The following LOC400499 variants were observed in gnomAD, a reference collection of about 807,000 sequenced individuals.
At chr16:11,397,753 G>GGGAT in the LOC400499 span, among the ~76,000 whole-genome samples, 1 of 40,944 alleles carries the variant, frequency 2.4e-5, no homozygotes, top group Non-Finnish European at 8.0e-5. Context: ...GAGGGAGGGA[G>GGGAT]GGATGGAGGG....
the LOC400499 span, among the ~76,000 whole-genome samples, chr16:11,480,544 C>G: frequency 1.1e-4 from 16 of 152,190 alleles, no homozygotes; most frequent in African/African-American, 3.6e-4. Context: ...GTTATGTAAA[C>G]TGTGGTTCCT....
the LOC400499 span, among the ~76,000 whole-genome samples, chr16:11,380,522 G>C: frequency 1.3e-5 from 2 of 151,732 alleles, no homozygotes; most frequent in African/African-American, 2.4e-5. Context: ...CAGAGACCCT[G>C]TCTCAAAAAA....
chr16:11,383,956 G>C, the LOC400499 span: 1 of 1,231,884 alleles, frequency 8.1e-7, no homozygotes, highest in African/African-American at 1.5e-5. Context: ...GAGCTGTCCC[G>C]GGCAGGCCTG....
the LOC400499 span, among the ~76,000 whole-genome samples, chr16:11,381,287 C>G: frequency 6.6e-6 from 1 of 152,150 alleles, no homozygotes; most frequent in Admixed American, 6.6e-5. Flanking sequence ...CAGTCTGTCA[C>G]GCAGGCAGGA....
At chr16:11,394,516 G>C in the LOC400499 span, among the ~76,000 whole-genome samples, 1 of 152,336 alleles carries the variant, frequency 6.6e-6, no homozygotes, top group South Asian at 2.1e-4. Context: ...GTGTGTGTGC[G>C]CGTGCACGTA....
the LOC400499 span, among the ~76,000 whole-genome samples, chr16:11,442,765 G>C: frequency 6.6e-6 from 1 of 152,190 alleles, no homozygotes; most frequent in Non-Finnish European, 1.5e-5. Context: ...CCCATCTGCA[G>C]GCTGAATATG....
chr16:11,436,401 G>A, the LOC400499 span, among the ~76,000 whole-genome samples: 3 of 152,094 alleles, frequency 2.0e-5, no homozygotes, highest in Non-Finnish European at 4.4e-5. Flanking sequence ...CAAGGGTGCT[G>A]AAGGGAGCAG....
the LOC400499 span, among the ~76,000 whole-genome samples, chr16:11,387,760 A>G: frequency 1.3e-4 from 19 of 151,980 alleles, no homozygotes; most frequent in Non-Finnish European, 1.8e-4. Flanking sequence ...AGTAGCTGGG[A>G]CTACCAGCGC....
chr16:11,379,972 T>C, the LOC400499 span, among the ~76,000 whole-genome samples: 791 of 152,278 alleles, frequency 5.2e-3, 9 homozygotes, highest in African/African-American at 0.018. Context: ...TATATCTATT[T>C]TTAGAGACAG....
the LOC400499 span, among the ~76,000 whole-genome samples, chr16:11,432,316 A>G: frequency 6.6e-6 from 1 of 152,236 alleles, no homozygotes; most frequent in Non-Finnish European, 1.5e-5. Flanking sequence ...TTTAATCTCT[A>G]TGCTTTGGAG....
the LOC400499 span, chr16:11,446,660 G>A: frequency 1.3e-6 from 2 of 1,535,402 alleles, no homozygotes; most frequent in African/African-American, 1.4e-5. Context: ...CCACATACAT[G>A]TACACACGCA....
chr16:11,498,505 T>TAAATAAATAAA, the LOC400499 span, among the ~76,000 whole-genome samples: 190 of 151,464 alleles, frequency 1.3e-3, 3 homozygotes, highest in African/African-American at 4.3e-3. Flanking sequence ...GATTAAATAA[T>TAAATAAATAAA]TAAATAAATA....
the LOC400499 span, among the ~76,000 whole-genome samples, chr16:11,436,707 C>G: frequency 1.3e-5 from 2 of 152,070 alleles, no homozygotes; most frequent in Admixed American, 1.3e-4. Context: ...CCTGCCTCAG[C>G]CTCCCGAGTA....
chr16:11,374,132 T>C, the LOC400499 span, among the ~76,000 whole-genome samples: 3 of 152,214 alleles, frequency 2.0e-5, no homozygotes, highest in Admixed American at 6.5e-5. Context: ...CCTGCTGAAA[T>C]CTATAATCTG....
the LOC400499 span, among the ~76,000 whole-genome samples, chr16:11,397,809 C>T: frequency 5.0e-4 from 69 of 139,248 alleles, no homozygotes; most frequent in Non-Finnish European, 6.8e-4. Flanking sequence ...GATGGACGGA[C>T]GGATGAATGG....
At chr16:11,392,397 G>A in the LOC400499 span, 27 of 398,808 alleles carry the variant, frequency 6.8e-5, no homozygotes, top group Non-Finnish European at 1.0e-4. Context: ...AGGGTCAGGC[G>A]TCCCAGCGGC....
chr16:11,414,258 T>A, the LOC400499 span: 1 of 398,928 alleles, frequency 2.5e-6, no homozygotes, highest in Non-Finnish European at 4.4e-6. Context: ...CCACCCACCC[T>A]GCACACAGCG....
the LOC400499 span, among the ~76,000 whole-genome samples, chr16:11,495,405 G>C: frequency 6.7e-6 from 1 of 150,312 alleles, no homozygotes; most frequent in South Asian, 2.1e-4. Context: ...TTTTAAGATG[G>C]AGTCTTGCTC....
chr16:11,431,571 A>C, the LOC400499 span, among the ~76,000 whole-genome samples: 1 of 152,102 alleles, frequency 6.6e-6, no homozygotes, highest in Non-Finnish European at 1.5e-5. Flanking sequence ...ACAGCTGGCT[A>C]GTTTTTGTAC....
Sources: gnomAD v4.1 joint callset for allele counts (sites outside exome capture counted in the v4.1 genomes callset) on GRCh38, gnomAD v4.1.1 for gene constraint, MANE v1.5 for transcripts.